Variants in BIRC6 observed in about 807,000 individuals in gnomAD.
BIRC6 encodes baculoviral IAP repeat containing 6.
BIRC6 carries 98 observed loss-of-function variants against 503.3 expected under a neutral mutation model. The ratio of observed to expected loss-of-function variants is 0.19; its 90% CI spans 0.17 to 0.23. The LOEUF (loss-of-function observed/expected upper bound fraction) is 0.23, where lower values mean the gene tolerates loss of function less well. Ranked by LOEUF, BIRC6 falls within the 10% of genes least tolerant of loss-of-function variation. BIRC6 has a pLI of 1.00. For missense variants in BIRC6, 5,360 were observed against 5,806.0 expected (o/e 0.92, Z 2.50); for synonymous variants, 2,240 against 2,078.7 (o/e 1.08, Z -2.11).
At chr2:32,533,428 A>G (rs1021982280) in intron 61 of BIRC6, among the ~76,000 whole-genome samples, 7 of 152,218 alleles carry the variant, frequency 4.6e-5, no homozygotes, top group African/African-American at 1.7e-4. Context: ...AAAGATATAA[A>G]TTGAGAGAAG....
intron 66 of BIRC6, among the ~76,000 whole-genome samples, chr2:32,583,071 C>T (rs952694982): frequency 2.0e-5 from 3 of 152,126 alleles, no homozygotes; most frequent in Non-Finnish European, 4.4e-5. Flanking sequence ...AATTACAGTA[C>T]TCTGATGGGA....
intron 4 of BIRC6, among the ~76,000 whole-genome samples, chr2:32,389,795 C>G (rs1292953055): frequency 1.3e-5 from 2 of 152,126 alleles, no homozygotes; most frequent in Non-Finnish European, 2.9e-5. Context: ...CTCCCAGATT[C>G]AAGAGATTCT....
chr2:32,545,965 C>G (rs939727910), intron 63 of BIRC6, 105 bp downstream of exon 63: 65 of 984,392 alleles, frequency 6.6e-5, no homozygotes, highest in Non-Finnish European at 9.6e-5. Context: ...CTTGGGTGTT[C>G]CATTTTCACA....
At chr2:32,398,654 C>A (rs533508226) in intron 6 of BIRC6, among the ~76,000 whole-genome samples, 4 of 151,742 alleles carry the variant, frequency 2.6e-5, no homozygotes, top group Non-Finnish European at 5.9e-5. Context: ...ATGGTGGTTT[C>A]CTGGAGGTGG....
intron 39 of BIRC6, among the ~76,000 whole-genome samples, chr2:32,484,550 C>CAAAA (rs1251134880): frequency 4.3e-5 from 3 of 69,510 alleles, no homozygotes; most frequent in South Asian, 4.8e-4. Flanking sequence ...AACTCCAACT[C>CAAAA]AAAAAAAAAA....
chr2:32,365,609 G>A (rs2034803802), intron 1 of BIRC6, among the ~76,000 whole-genome samples: 1 of 151,904 alleles, frequency 6.6e-6, no homozygotes, highest in Non-Finnish European at 1.5e-5. Flanking sequence ...GTGAGCCACC[G>A]TGCCCGGTCC....
At chr2:32,486,969 G>T (rs2051064928) in intron 40 of BIRC6, among the ~76,000 whole-genome samples, 1 of 151,340 alleles carries the variant, frequency 6.6e-6, no homozygotes, top group Non-Finnish European at 1.5e-5. Context: ...TTATTTAAAA[G>T]CACTTATTAG....
chr2:32,390,426 G>A lies in BIRC6; in HGVS notation c.839+1483G>A, dbSNP rs180714012. Among the ~76,000 whole-genome samples the A allele has an allele frequency of 1.5e-3, 219 of 150,732 alleles. 1 individual carries two copies. The highest frequency in any genetic ancestry group is 5.1e-3 in the African/African-American group (210 of 41,046). The stretch of plus-strand genomic sequence containing the variant: ...ACCTTATGATCCACCCACCTTGGCC[G>A]CCCAAAGTGCTGGGATTACAGGCGT... On this transcript the variant is annotated intron_variant, in intron 4 of 73. Transcript: ENST00000421745.
chr2:32,453,955 G>A lies in BIRC6; in HGVS notation c.4753+13G>A, dbSNP rs1201174060. 2.5e-6 allele frequency: 4 copies of A among 1,599,586 alleles called. No homozygotes were observed. In the Admixed American group the frequency reaches 6.8e-5, roughly 27 times the overall value. ...AGGGATGATGCAAGTACGTTTACTG[G>A]TATATACCTTCTTTTATTATATACT... On this transcript the variant is annotated intron_variant, in intron 23 of 73. Transcript: ENST00000421745.
intron 21 of BIRC6, among the ~76,000 whole-genome samples, chr2:32,446,499 CA>C (rs1354241458): frequency 6.6e-6 from 1 of 152,160 alleles, no homozygotes; most frequent in Non-Finnish European, 1.5e-5. Context: ...ATTTTGATGA[CA>C]TTTTACTCAA....
chr2:32,403,115 G>C (rs950342202), intron 8 of BIRC6, among the ~76,000 whole-genome samples: 19 of 152,188 alleles, frequency 1.2e-4, no homozygotes, highest in Admixed American at 1.2e-3. Flanking sequence ...TTAAGTTGAT[G>C]TGGTAGGAGG....
At chr2:32,458,718 A>C (rs1371939746) in intron 23 of BIRC6, among the ~76,000 whole-genome samples, 1 of 123,020 alleles carries the variant, frequency 8.1e-6, no homozygotes, top group Non-Finnish European at 1.6e-5. Flanking sequence ...TCTGATACAG[A>C]GTGAGACACT....
In BIRC6 at chr2:32,478,807, A is replaced by T. The variant is rs759762320; in HGVS notation, c.7241A>T (p.Asp2414Val). 1 of 1,612,490 alleles carries T rather than the reference A, an allele frequency of 6.2e-7. No homozygotes were observed. Among genetic ancestry groups the T allele is most frequent in the South Asian group, 1.1e-5 (1 of 90,634 alleles). Residue 2414 changes from aspartate (D) to valine (V), a missense_variant, in exon 36 of 74, where the codon GAT becomes GTT. Coordinates refer to ENST00000421745, the MANE Select transcript of BIRC6 (RefSeq NM_016252.4). ...TATTCCTTAACTTGCATGCTACAAG[A>T]TATTTTAGCAGGTGTGTTAGGATTT... Reference protein sequence around the residue: ...AQYSLTCMLQDILAGELLAPV... With the variant: ...AQYSLTCMLQVILAGELLAPV...
intron 10 of BIRC6, among the ~76,000 whole-genome samples, chr2:32,418,814 G>A (rs2042641309): frequency 6.6e-6 from 1 of 152,110 alleles, no homozygotes. Context: ...CAGGTGTGGT[G>A]GTGCATACCT....
intron 23 of BIRC6, among the ~76,000 whole-genome samples, chr2:32,455,593 C>T (rs1472780513): frequency 1.3e-5 from 2 of 152,130 alleles, no homozygotes; most frequent in Non-Finnish European, 2.9e-5. Flanking sequence ...TGCCGCTGCA[C>T]TCTAGCCTGG....
intron 66 of BIRC6, among the ~76,000 whole-genome samples, chr2:32,591,936 A>T (rs550062382): frequency 1.3e-5 from 2 of 152,180 alleles, no homozygotes; most frequent in African/African-American, 4.8e-5. Flanking sequence ...GTTATTAGCT[A>T]TTGACAAATG....
intron 73 of BIRC6, among the ~76,000 whole-genome samples, chr2:32,615,628 T>C (rs1022499062): frequency 3.3e-5 from 5 of 151,908 alleles, no homozygotes; most frequent in African/African-American, 9.7e-5. Context: ...TTAGTTTTTA[T>C]TTATTTTATT....
At chr2:32,549,954 C>T (rs1204888599) in intron 65 of BIRC6, among the ~76,000 whole-genome samples, 1 of 152,140 alleles carries the variant, frequency 6.6e-6, no homozygotes, top group Admixed American at 6.6e-5. Context: ...AGTACTGTAG[C>T]TACTTGTTTT....
At chr2:32,359,862 C>T (rs1216104349) in intron 1 of BIRC6, among the ~76,000 whole-genome samples, 1 of 152,118 alleles carries the variant, frequency 6.6e-6, no homozygotes, top group African/African-American at 2.4e-5. Flanking sequence ...AGCTGTCCCA[C>T]CTGGCCAGAA....
Sources: allele counts gnomAD v4.1 joint callset (sites outside exome capture counted in the v4.1 genomes callset), GRCh38; gene constraint gnomAD v4.1.1; transcripts MANE v1.5; gene names NCBI Gene and HGNC (gene_info 2026-07-23, HGNC 2026-07-21).